The following IMPG2 variants were observed in gnomAD, a reference collection of about 807,000 sequenced individuals.
The protein encoded by IMPG2 is IPM 200.
Under a neutral mutation model 129.2 loss-of-function variants are expected in IMPG2, and 91 were observed. The ratio of observed to expected loss-of-function variants is 0.70; its 90% CI spans 0.59 to 0.84. The LOEUF (loss-of-function observed/expected upper bound fraction) is 0.84. Ranked by LOEUF, IMPG2 falls within the 40% of genes least tolerant of loss-of-function variation. The pLI, the probability that IMPG2 is intolerant of heterozygous loss-of-function variation, is 0.00. For missense variants in IMPG2, 1,430 were observed against 1,461.7 expected, an observed-to-expected ratio of 0.98 and a Z score of 0.35; for synonymous variants, 510 against 517.7, an observed-to-expected ratio of 0.99 and a Z score of 0.20.
At chr3:101,235,907 G>A (rs1372782202) in intron 14 of IMPG2, among the ~76,000 whole-genome samples, 2 of 152,250 alleles carry the variant, frequency 1.3e-5, no homozygotes, top group African/African-American at 2.4e-5. Flanking sequence ...CAACATCATA[G>A]CTGGCTGGGT....
At chr3:101,300,004 A>G (rs1707122715) in intron 3 of IMPG2, among the ~76,000 whole-genome samples, 1 of 152,198 alleles carries the variant, frequency 6.6e-6, no homozygotes, top group African/African-American at 2.4e-5. Context: ...CCAGGAGGGA[A>G]GACTAAATCT....
intron 3 of IMPG2, among the ~76,000 whole-genome samples, chr3:101,292,830 C>T (rs887740190): frequency 6.6e-6 from 1 of 152,166 alleles, no homozygotes. Flanking sequence ...CATTTCAATA[C>T]TGTTCACAGC....
At chr3:101,250,609 G>T (rs562265761) in intron 11 of IMPG2, among the ~76,000 whole-genome samples, 2 of 152,314 alleles carry the variant, frequency 1.3e-5, no homozygotes, top group Admixed American at 6.5e-5. Context: ...ATTTCTCAGT[G>T]CCAGTGCTTT....
In IMPG2 at chr3:101,225,201, T is replaced by C. The variant is rs1378222195; in HGVS notation, c.*1768A>G. The C allele has an allele frequency of 1.3e-5, 2 of 152,240 alleles. No individual in the cohort carries two copies. The highest frequency in any genetic ancestry group is 2.9e-5 in the Non-Finnish European group (2 of 68,046). The allele number at this position is 152,240 out of a possible 1,614,324, so 9.4% of individuals were successfully genotyped here. On this transcript the variant is annotated 3_prime_UTR_variant, in exon 19 of 19. Transcript: ENST00000193391. ...ACACTTAAAATGTCTTAAAGGTAAT[T>C]ATCAATTACTTTTCAAATGGGCCCA...
At position 101,223,304 on chromosome 3, in the gene IMPG2, G is replaced by A. The variant is rs1706185119; in HGVS notation, c.*3665C>T. 6.6e-6 allele frequency: 1 copy of A among 152,148 alleles called. No individual in the cohort carries two copies. The highest frequency in any genetic ancestry group is 1.5e-5 in the Non-Finnish European group (1 of 68,018). The allele number at this position is 152,148 out of a possible 1,614,324, so 9.4% of individuals were successfully genotyped here. A position where few individuals can be genotyped will look rare whatever the true frequency, so the allele number is the denominator to read the frequency against. ...AAGGCTGGCCCCACCCATTCCTACT[G>A]GGAATTGTTAGAAATGTTTTAGAAA... On this transcript the variant is annotated 3_prime_UTR_variant, in exon 19 of 19. Coordinates refer to ENST00000193391, the MANE Select transcript of IMPG2 (RefSeq NM_016247.4).
At chr3:101,268,305 T>C (rs1490788260) in intron 8 of IMPG2, among the ~76,000 whole-genome samples, 1 of 152,194 alleles carries the variant, frequency 6.6e-6, no homozygotes, top group Non-Finnish European at 1.5e-5. Context: ...TTGCCCTTCA[T>C]GTGCTGCCAA....
rs1706446361 is a variant in IMPG2, at chr3:101,244,212, A to T, written c.2119T>A (p.Ser707Thr). ...SASLTLPKHISEVPGVDDYSV... is the reference protein window; with the variant it reads ...SASLTLPKHITEVPGVDDYSV... ...TAATCATCAACACCAGGTACTTCTG[A>T]TATGTGCTTGGGGAGGGTTAGAGAC... Residue 707 changes from serine to threonine, a missense_variant, in exon 13 of 19, where the codon TCA becomes ACA. Physicochemically the swap from Ser to Thr is moderately conservative, Grantham distance 58. Coordinates refer to ENST00000193391, the MANE Select transcript of IMPG2 (RefSeq NM_016247.4). 2 of 1,613,922 alleles carry T rather than the reference A, an allele frequency of 1.2e-6. No homozygotes were observed. The highest frequency in any genetic ancestry group is 1.7e-6 in the Non-Finnish European group (2 of 1,179,968).
At position 101,275,726 on chromosome 3, in the gene IMPG2, T is replaced by G; in HGVS notation, c.603A>C (p.Pro201=). The change falls in exon 6 of 19, where the codon CCA becomes CCC. Residue 201 remains proline (P), a synonymous_variant. Transcript: ENST00000193391. ...CTTCATAGGCGTCCACCTCTGGATG[T>G]GGAACACTGAGAGTAGTGTCTAAGA... is the stretch of plus-strand genomic sequence containing the variant. The part of the protein sequence containing the change: ...STLGDTTLSV[P]HPEVDAYEGA... 3.7e-6 allele frequency: 6 copies of G among 1,613,910 alleles called. No homozygotes were observed. Among genetic ancestry groups the G allele is most frequent in the Non-Finnish European group, 5.1e-6 (6 of 1,179,778 alleles).
At chr3:101,289,057 T>C (rs2107124600) in intron 4 of IMPG2, among the ~76,000 whole-genome samples, 1 of 152,336 alleles carries the variant, frequency 6.6e-6, no homozygotes, top group Non-Finnish European at 1.5e-5. Context: ...TCAAGAATGT[T>C]ACCTATTAGG....
intron 10 of IMPG2, 128 bp downstream of exon 10, chr3:101,257,401 C>G: frequency 9.4e-7 from 1 of 1,062,286 alleles, no homozygotes; most frequent in Non-Finnish European, 1.4e-6. Context: ...CCATTCATAT[C>G]AGGTTGGCTC....
chr3:101,304,358 G>T, intron 2 of IMPG2, 46 bp from the exon 3 acceptor site: 2 of 1,551,756 alleles, frequency 1.3e-6, no homozygotes, highest in Non-Finnish European at 1.8e-6. Flanking sequence ...AACATGCTCT[G>T]GGGTTCTTAC....
At chr3:101,295,345 C>T (rs1367416585) in intron 3 of IMPG2, among the ~76,000 whole-genome samples, 1 of 152,032 alleles carries the variant, frequency 6.6e-6, no homozygotes, top group African/African-American at 2.4e-5. Flanking sequence ...GAATTCTTTC[C>T]CCAGCTTGTT....
At chr3:101,256,071 AAAG>A (rs1706595544) in intron 10 of IMPG2, among the ~76,000 whole-genome samples, 1 of 151,022 alleles carries the variant, frequency 6.6e-6, no homozygotes, top group Non-Finnish European at 1.5e-5. Context: ...AGAAAAAAGA[AAAG>A]AAAAGAAAAG....
chr3:101,241,487 C>T (rs1327913843), intron 14 of IMPG2, among the ~76,000 whole-genome samples: 1 of 152,052 alleles, frequency 6.6e-6, no homozygotes, highest in East Asian at 1.9e-4. Flanking sequence ...GGGGACCAGG[C>T]CTTGTGGCTA....
chr3:101,303,661 CA>C (rs1457804762), intron 3 of IMPG2, among the ~76,000 whole-genome samples: 2 of 152,136 alleles, frequency 1.3e-5, no homozygotes, highest in Non-Finnish European at 2.9e-5. Flanking sequence ...ATGTCTAAAA[CA>C]AGGAAAACAA....
chr3:101,269,926 C>CTTTTTTTTTTTTTTT (rs5851267), intron 7 of IMPG2, among the ~76,000 whole-genome samples: 1 of 106,980 alleles, frequency 9.3e-6, no homozygotes, highest in Non-Finnish European at 1.9e-5. Context: ...TTATTTTATT[C>CTTTTTTTTTTTTTTT]TTTTTTTTTT....
chr3:101,253,775 C>T lies in IMPG2; in HGVS notation c.1160G>A (p.Gly387Glu). The change falls in exon 11 of 19, where the codon GGA becomes GAA. Residue 387 changes from glycine (G) to glutamate (E), a missense_variant. Transcript: ENST00000193391. ...PDSLQLINVRGVLRHQTEDLV... is the reference protein window; with the variant it reads ...PDSLQLINVREVLRHQTEDLV... ...ATCTTCAGTTTGGTGACGCAAAACT[C>T]CTCTCACTGAGGAAAGAACAATATT... The T allele has an allele frequency of 1.2e-6, 2 of 1,608,222 alleles. No homozygotes were observed. Among genetic ancestry groups the T allele is most frequent in the Non-Finnish European group, 1.7e-6 (2 of 1,176,276 alleles).
chr3:101,290,880 A>C (rs1707002371), intron 4 of IMPG2, among the ~76,000 whole-genome samples: 1 of 152,062 alleles, frequency 6.6e-6, no homozygotes, highest in Non-Finnish European at 1.5e-5. Context: ...ATAACTACCC[A>C]CATGCTGTTA....
intron 9 of IMPG2, among the ~76,000 whole-genome samples, chr3:101,260,514 C>T (rs1706657920): frequency 6.6e-6 from 1 of 152,152 alleles, no homozygotes. Context: ...CCGATCAGAA[C>T]TCACCACACC....
Sources: gnomAD v4.1 joint callset for allele counts (sites outside exome capture counted in the v4.1 genomes callset) on GRCh38, gnomAD v4.1.1 for gene constraint, MANE v1.5 for transcripts, NCBI Gene and HGNC (gene_info 2026-07-23, HGNC 2026-07-21) for gene names.